USP36: variants seen among roughly 807,000 people sequenced by gnomAD.
USP36 encodes ubiquitin carboxyl-terminal hydrolase 36.
USP36 carries 59 observed loss-of-function variants against 111.5 expected under a neutral mutation model. That is an observed-to-expected ratio of 0.53 (90% CI 0.43 to 0.66). The LOEUF is 0.66. Among genes scored for constraint, USP36 ranks in the 30% least tolerant of loss-of-function variants. The probability of loss-of-function intolerance (pLI) is 0.00; values close to 1 mark genes in which losing one functional copy is unlikely to be tolerated. For synonymous variants in USP36, 628 were observed against 581.0 expected (o/e 1.08, Z -1.16); for missense variants, 1,488 against 1,468.0 (o/e 1.01, Z -0.22).
Position 78,803,897 on chromosome 17 carries a change from G to C in USP36, c.2298C>G (p.Pro766=), listed in dbSNP as rs780116907. The part of the protein sequence containing the change: ...SPHPTLLSST[P]KPPGTSEPRS... The stretch of plus-strand genomic sequence containing the variant: ...GTGGTTCTGACGTCCCTGGGGGCTT[G>C]GGGGTACTGGACAGCAATGTGGGGT... The change falls in exon 16 of 21, where the codon CCC becomes CCG. Residue 766 remains proline (P), a synonymous_variant. Coordinates refer to ENST00000449938, the MANE Select transcript of USP36 (RefSeq NM_001385174.1). The surrounding 1 kb of genome is among the most constrained non-coding windows in gnomAD (Gnocchi z 4.6). 1.6e-5 allele frequency: 25 copies of C among 1,611,150 alleles called. No individual in the cohort carries two copies. In the Admixed American group the frequency reaches 4.2e-4, roughly 27 times the overall value.
intron 4 of USP36, among the ~76,000 whole-genome samples, chr17:78,829,493 C>T (rs1359983593): frequency 2.6e-5 from 4 of 152,192 alleles, no homozygotes; most frequent in East Asian, 1.9e-4. Flanking sequence ...GTAAACACCT[C>T]GCTAGGATAC....
intron 3 of USP36, 93 bp downstream of exon 3, chr17:78,836,018 C>T (rs1381105833): frequency 1.6e-5 from 24 of 1,531,692 alleles, no homozygotes; most frequent in Non-Finnish European, 2.1e-5. Flanking sequence ...ACCACATTCT[C>T]TTGTTTTTCC....
chr17:78,829,045 G>C, intron 4 of USP36, 38 bp from the exon 5 acceptor site: 1 of 1,588,872 alleles, frequency 6.3e-7, no homozygotes, highest in Non-Finnish European at 8.6e-7. Flanking sequence ...TAAGACAAGA[G>C]CTTTCAAAGA....
chr17:78,819,020 T>C (rs1264007840), intron 9 of USP36: 6 of 372,908 alleles, frequency 1.6e-5, no homozygotes, highest in African/African-American at 4.2e-5. Context: ...ATAAAAGTAC[T>C]GTACCCACCA....
chr17:78,811,117 C>T (rs1400683797), intron 13 of USP36, among the ~76,000 whole-genome samples: 6 of 122,588 alleles, frequency 4.9e-5, no homozygotes, highest in South Asian at 2.5e-4. Flanking sequence ...AGTGACAGAG[C>T]GAGACTCTGT....
At position 78,802,552 on chromosome 17, in the gene USP36, G is replaced by C. The variant is rs1247569218; in HGVS notation, c.2811-17C>G. 2 of 1,597,452 alleles carry C rather than the reference G, an allele frequency of 1.3e-6. No homozygotes were observed. Among genetic ancestry groups the C allele is most frequent in the Non-Finnish European group, 1.7e-6 (2 of 1,177,312 alleles). ...GGAGAGCAGCTGCTTGGAAGTGAGAGGCAGCAGTCAGCTCTGAGCAAATTG... is the reference window on the plus strand; with the variant it reads ...GGAGAGCAGCTGCTTGGAAGTGAGACGCAGCAGTCAGCTCTGAGCAAATTG... On this transcript the variant is annotated splice_polypyrimidine_tract_variant and intron_variant, in intron 16 of 20. Transcript: ENST00000449938.
chr17:78,819,845 G>C, intron 9 of USP36, 85 bp downstream of exon 9: 1 of 1,396,914 alleles, frequency 7.2e-7, no homozygotes, highest in Non-Finnish European at 1.0e-6. Context: ...CGCTAAGGAA[G>C]AGTGGGTGGG....
In USP36 at chr17:78,807,195, G is replaced by A. The variant is rs1410830416; in HGVS notation, c.1849C>T (p.His617Tyr). 6.2e-7 allele frequency: 1 copy of A among 1,613,990 alleles called. No individual in the cohort carries two copies. The highest frequency in any genetic ancestry group is 8.5e-7 in the Non-Finnish European group (1 of 1,180,010). The change falls in exon 14 of 21, where the codon CAC becomes TAC. Residue 617 changes from histidine to tyrosine, a missense_variant. Transcript: ENST00000449938. ...RRGSSSSSPE[H>Y]SASSDSTKAP... ...TTGGTGGAGTCGCTGCTGGCCGAGT[G>A]CTCTGGGCTGGAGCTGCTGGAGCCC...
At chr17:78,814,613 C>T in intron 10 of USP36, 61 bp from the exon 11 acceptor site, 2 of 1,569,682 alleles carry the variant, frequency 1.3e-6, no homozygotes, top group Non-Finnish European at 1.7e-6. Context: ...GATCAATTTG[C>T]CCTTTCCATC....
intron 6 of USP36, among the ~76,000 whole-genome samples, chr17:78,825,533 T>C (rs2067455507): frequency 6.6e-6 from 1 of 152,058 alleles, no homozygotes; most frequent in Non-Finnish European, 1.5e-5. Flanking sequence ...CTCCCTCCTC[T>C]TTCCAGCAAT....
rs370800443 is a variant in USP36 at position 78,818,620 on chromosome 17, C to T, written c.1023+47G>A. On this transcript the variant is annotated intron_variant, in intron 10 of 20. Coordinates refer to ENST00000449938, the MANE Select transcript of USP36 (RefSeq NM_001385174.1). Reference sequence around the variant, plus strand: ...CACTTTCTTCGTGTTATTCTGATGCCGACTGTGGCCCACGGAGCTGCCTGG... The same window carrying T: ...CACTTTCTTCGTGTTATTCTGATGCTGACTGTGGCCCACGGAGCTGCCTGG... The T allele has an allele frequency of 1.6e-3, 2,445 of 1,546,696 alleles. 5 individuals are homozygous for T. Among genetic ancestry groups the T allele is most frequent in the Non-Finnish European group, 2.0e-3 (2,264 of 1,119,318 alleles).
At chr17:78,790,192 G>A (rs2093571340) in intron 3 of USP36, among the ~76,000 whole-genome samples, 1 of 152,028 alleles carries the variant, frequency 6.6e-6, no homozygotes, top group African/African-American at 2.4e-5. Context: ...AGGTTCAAGT[G>A]ACTCCTCTGC....
intron 4 of USP36, among the ~76,000 whole-genome samples, chr17:78,829,281 G>A (rs58765502): frequency 0.056 from 8,596 of 152,184 alleles, 759 homozygotes; most frequent in African/African-American, 0.19. Context: ...CCACATTAAT[G>A]CTGACCTGTG....
chr17:78,809,436 C>T (rs1434109993), intron 13 of USP36, among the ~76,000 whole-genome samples: 5 of 152,188 alleles, frequency 3.3e-5, no homozygotes, highest in Non-Finnish European at 7.3e-5. Flanking sequence ...CACACTAGAA[C>T]TTGCACCATG....
chr17:78,798,595 T>C lies in USP36; in HGVS notation c.3241-44A>G, dbSNP rs371440288. On this transcript the variant is annotated intron_variant, in intron 19 of 20. Transcript: ENST00000449938. This position sits in a 1 kb window ranked among gnomAD's most constrained non-coding sequence, Gnocchi z 5.1. ...GCATCACAGTTCCCAAAAACGGCTC[T>C]TTCCTGGCCCACGGGGCTCCATGCT... 6.2e-7 allele frequency: 1 copy of C among 1,606,422 alleles called. No homozygotes were observed. Among genetic ancestry groups the C allele is most frequent in the African/African-American group, 1.3e-5 (1 of 74,882 alleles).
chr17:78,790,315 G>A (rs2093572713), intron 3 of USP36, among the ~76,000 whole-genome samples: 1 of 151,154 alleles, frequency 6.6e-6, no homozygotes, highest in African/African-American at 2.4e-5. Context: ...TTTAAAGACA[G>A]AGTCTCACTC....
At chr17:78,811,168 A>AAG (rs61302693) in intron 13 of USP36, among the ~76,000 whole-genome samples, 71,441 of 146,060 alleles carry the variant, frequency 0.49, 17,828 homozygotes, top group East Asian at 0.54. Flanking sequence ...AACAGTCATC[A>AAG]AGAGGGTCCA....
At chr17:78,832,529 C>A (rs2068241657) in intron 4 of USP36, among the ~76,000 whole-genome samples, 1 of 152,266 alleles carries the variant, frequency 6.6e-6, no homozygotes, top group East Asian at 1.9e-4. Context: ...GGCTGCCTTA[C>A]TCACACGCTT....
intron 8 of USP36, among the ~76,000 whole-genome samples, chr17:78,820,480 A>G (rs1187612638): frequency 6.6e-6 from 1 of 152,230 alleles, no homozygotes; most frequent in Non-Finnish European, 1.5e-5. Context: ...CCTATAAAAA[A>G]AAAGCAAAGC....
Sources: allele counts gnomAD v4.1 joint callset (sites outside exome capture counted in the v4.1 genomes callset), GRCh38; gene constraint gnomAD v4.1.1; non-coding constraint Gnocchi (gnomAD v3.1); transcripts MANE v1.5; gene names NCBI Gene and HGNC (gene_info 2026-07-23, HGNC 2026-07-21).